Variants in MRPL14 observed in about 807,000 individuals in gnomAD.
The protein encoded by MRPL14 is mitochondrial ribosomal protein L14.
MRPL14 carries 8 observed loss-of-function variants against 10.9 expected under a neutral mutation model. The observed-to-expected ratio is 0.74, with a 90% CI of 0.43 to 1.33. The LOEUF is 1.33. Ranked by LOEUF, MRPL14 falls within the 40% of genes most tolerant of loss-of-function variation. MRPL14 has a pLI of 0.01. For synonymous variants in MRPL14, 82 were observed against 74.1 expected, an observed-to-expected ratio of 1.11 and a Z score of -0.54; for missense variants, 179 against 194.5, an observed-to-expected ratio of 0.92 and a Z score of 0.47.
At chr6:44,125,388 G>T (rs1776861984) in intron 1 of MRPL14, among the ~76,000 whole-genome samples, 2 of 152,172 alleles carry the variant, frequency 1.3e-5, no homozygotes, top group Admixed American at 6.5e-5. Context: ...GGACAAGGTG[G>T]CTCACGCCTG....
chr6:44,120,731 T>G (rs1306509226), intron 1 of MRPL14, among the ~76,000 whole-genome samples: 1 of 151,920 alleles, frequency 6.6e-6, no homozygotes, highest in Non-Finnish European at 1.5e-5. Flanking sequence ...ACAGTAGGAG[T>G]GCAATAAATA....
intron 1 of MRPL14, among the ~76,000 whole-genome samples, chr6:44,118,693 G>A (rs899577445): frequency 2.0e-5 from 3 of 152,164 alleles, no homozygotes; most frequent in Non-Finnish European, 2.9e-5. Context: ...GGCCGGGCAC[G>A]GTGGCTCACG....
At chr6:44,117,866 T>G (rs1490378988) in intron 1 of MRPL14, among the ~76,000 whole-genome samples, 5 of 110,442 alleles carry the variant, frequency 4.5e-5, no homozygotes, top group Non-Finnish European at 7.2e-5. Flanking sequence ...TTTTTTTTTT[T>G]GTAGAGATGA....
intron 1 of MRPL14, among the ~76,000 whole-genome samples, chr6:44,121,064 C>T (rs1284145128): frequency 2.6e-5 from 4 of 151,996 alleles, no homozygotes; most frequent in Non-Finnish European, 4.4e-5. Flanking sequence ...TCTGATGGAC[C>T]CTGATATTAT....
At chr6:44,119,786 G>C (rs997731828) in intron 1 of MRPL14, among the ~76,000 whole-genome samples, 3 of 152,188 alleles carry the variant, frequency 2.0e-5, no homozygotes, top group African/African-American at 7.2e-5. Flanking sequence ...TCCCTGCCAA[G>C]CTGTTCCCAT....
chr6:44,121,357 G>T (rs78101696), intron 1 of MRPL14, among the ~76,000 whole-genome samples: 2 of 108,816 alleles, frequency 1.8e-5, no homozygotes, highest in African/African-American at 3.6e-5. Context: ...GAGCTGGGGT[G>T]GGGGGTGGGA....
chr6:44,122,088 T>C (rs868452702), intron 1 of MRPL14, among the ~76,000 whole-genome samples: 57 of 145,208 alleles, frequency 3.9e-4, no homozygotes, highest in Admixed American at 3.2e-3. Flanking sequence ...TTCCCCCCCC[T>C]CTTTTTTTTT....
At chr6:44,114,325 A>C (rs1253941817) in intron 2 of MRPL14, 116 bp from the exon 3 acceptor site, 2 of 1,240,548 alleles carry the variant, frequency 1.6e-6, no homozygotes, top group African/African-American at 1.5e-5. Context: ...CACAGAGCAG[A>C]GTGCTGTCCA....
chr6:44,115,735 C>A (rs1014520407), intron 2 of MRPL14, among the ~76,000 whole-genome samples: 1 of 152,166 alleles, frequency 6.6e-6, no homozygotes, highest in Non-Finnish European at 1.5e-5. Flanking sequence ...CCACTCTGGG[C>A]AGGAGAACCA....
At chr6:44,119,584 G>A (rs551716427) in intron 1 of MRPL14, among the ~76,000 whole-genome samples, 1 of 152,178 alleles carries the variant, frequency 6.6e-6, no homozygotes, top group East Asian at 1.9e-4. Context: ...CCAATTCAGT[G>A]CTTGCTGAAT....
At chr6:44,116,071 C>T (rs1013274570) in intron 2 of MRPL14, among the ~76,000 whole-genome samples, 4 of 152,204 alleles carry the variant, frequency 2.6e-5, no homozygotes, top group East Asian at 1.9e-4. Context: ...GAGGGCATGA[C>T]GGGGCCAGGA....
intron 2 of MRPL14, 70 bp from the exon 3 acceptor site, chr6:44,114,279 G>A (rs1775626331): frequency 6.6e-7 from 1 of 1,517,308 alleles, no homozygotes; most frequent in Non-Finnish European, 8.9e-7. Flanking sequence ...CCTCTGAGAG[G>A]TCAAGGCTAG....
chr6:44,116,421 T>C, intron 2 of MRPL14, 120 bp downstream of exon 2: 3 of 997,728 alleles, frequency 3.0e-6, no homozygotes, highest in Non-Finnish European at 4.7e-6. Flanking sequence ...CACTTTAGCT[T>C]TCCCCAACCC....
intron 2 of MRPL14, among the ~76,000 whole-genome samples, chr6:44,114,830 C>G (rs540385672): frequency 2.6e-5 from 4 of 152,126 alleles, no homozygotes; most frequent in African/African-American, 9.7e-5. Context: ...AGGATGGTCT[C>G]GATCTCCTGA....
chr6:44,122,249 A>AT, intron 1 of MRPL14, among the ~76,000 whole-genome samples: 1 of 151,912 alleles, frequency 6.6e-6, no homozygotes. Context: ...ACCCCAGCTA[A>AT]TTTTTTGTAT....
intron 1 of MRPL14, among the ~76,000 whole-genome samples, chr6:44,126,682 T>C (rs1333058626): frequency 1.3e-5 from 2 of 152,248 alleles, no homozygotes; most frequent in Non-Finnish European, 2.9e-5. Context: ...ACTTCCTTTT[T>C]GTCCCCTCCA....
In MRPL14 at chr6:44,113,836, GCT is replaced by G. The variant is rs766175152; in HGVS notation, c.*5_*6del. On this transcript the variant is annotated 3_prime_UTR_variant, in exon 3 of 3. Transcript: ENST00000372014. ...ACGAGTCCTGCAACCAGAGGCCTGG[GCT>G]CAACTCACACAAAGTTCTGAGCAAT... 23 of 1,544,780 alleles carry G rather than the reference GCT, an allele frequency of 1.5e-5. No individual in the cohort carries two copies. Among genetic ancestry groups the G allele is most frequent in the Non-Finnish European group, 1.9e-5 (22 of 1,141,968 alleles).
In MRPL14 at chr6:44,127,446, G is replaced by C. The variant is rs1326123901; in HGVS notation, c.-121C>G. 6.6e-6 allele frequency: 1 copy of C among 151,678 alleles called. No homozygotes were observed. The highest frequency in any genetic ancestry group is 1.5e-5 in the Non-Finnish European group (1 of 67,928). 9.4% of individuals were successfully genotyped at this position (151,678 alleles called of 1,614,324 possible). On this transcript the variant is annotated 5_prime_UTR_variant, in exon 1 of 3. Coordinates refer to ENST00000372014, the MANE Select transcript of MRPL14 (RefSeq NM_032111.4). The stretch of plus-strand genomic sequence containing the variant: ...AGCGCCTGCGCGCCAGGCCCAGCCC[G>C]GCGGACGCGATCTGAGAGTGCGCGC...
At position 44,114,017 on chromosome 6, in the gene MRPL14, C is replaced by T. The variant is rs1293459133; in HGVS notation, c.264G>A (p.Gly88=). ...TCATTCGGGGGCCAGGCATGCAGTGCCCCACAATGAGCGCCTTTTTCTTCT... is the reference window on the plus strand; with the variant it reads ...TCATTCGGGGGCCAGGCATGCAGTGTCCCACAATGAGCGCCTTTTTCTTCT... ...KGQKKKALIV[G]HCMPGPRMTP... is the part of the protein sequence containing the mutation. Residue 88 remains glycine, a synonymous_variant, in exon 3 of 3, where the codon GGG becomes GGA. Transcript: ENST00000372014. 2.5e-6 allele frequency: 4 copies of T among 1,614,014 alleles called. No individual in the cohort carries two copies. Among genetic ancestry groups the T allele is most frequent in the Non-Finnish European group, 1.7e-6 (2 of 1,179,994 alleles).
Sources: allele counts gnomAD v4.1 joint callset (sites outside exome capture counted in the v4.1 genomes callset), GRCh38; gene constraint gnomAD v4.1.1; transcripts MANE v1.5; gene names NCBI Gene and HGNC (gene_info 2026-07-23, HGNC 2026-07-21).